Variants in BTRC observed in about 807,000 individuals in gnomAD.
BTRC encodes F-box/WD repeat-containing protein 1A.
In BTRC, 42 loss-of-function variants were observed where a neutral mutation model predicts 85.5. That is an observed-to-expected ratio of 0.49 (90% confidence interval 0.38 to 0.64). BTRC has a LOEUF of 0.64. Among genes scored for constraint, BTRC ranks in the 30% least tolerant of loss-of-function variants. The pLI is 0.00. For missense variants in BTRC, 594 were observed against 743.5 expected, an observed-to-expected ratio of 0.80 and a Z score of 2.34; for synonymous variants, 255 against 263.3, an observed-to-expected ratio of 0.97 and a Z score of 0.30.
chr10:101,444,103 G>A (rs186031694), intron 2 of BTRC, among the ~76,000 whole-genome samples: 17 of 152,240 alleles, frequency 1.1e-4, no homozygotes, highest in Admixed American at 2.6e-4. Flanking sequence ...GTATACTTAT[G>A]TTCATATCAG....
At chr10:101,354,263 G>A (rs760864543) in intron 1 of BTRC, 35 bp downstream of exon 1, 88 of 1,547,308 alleles carry the variant, frequency 5.7e-5, no homozygotes, top group Non-Finnish European at 7.6e-5. Context: ...AACGGTGGAG[G>A]CGCTGGCGTT....
intron 1 of BTRC, among the ~76,000 whole-genome samples, chr10:101,402,079 T>C (rs1247420578): frequency 6.6e-6 from 1 of 152,182 alleles, no homozygotes; most frequent in Non-Finnish European, 1.5e-5. Context: ...TTAATTTGCT[T>C]TGGGTCATTC....
intron 1 of BTRC, among the ~76,000 whole-genome samples, chr10:101,392,210 C>G (rs1439858868): frequency 6.6e-6 from 1 of 152,196 alleles, no homozygotes. Context: ...AAACTCTTGA[C>G]CTCGTGATCT....
At chr10:101,390,493 A>G (rs1943209213) in intron 1 of BTRC, among the ~76,000 whole-genome samples, 1 of 121,240 alleles carries the variant, frequency 8.2e-6, no homozygotes, top group South Asian at 2.5e-4. Context: ...GCCCGCCACC[A>G]CGCCTAATTT....
chr10:101,411,435 A>G (rs1564754706), intron 1 of BTRC, among the ~76,000 whole-genome samples: 1 of 152,140 alleles, frequency 6.6e-6, no homozygotes, highest in Non-Finnish European at 1.5e-5. Flanking sequence ...CCAGATATGC[A>G]TGTGTTAGAC....
At chr10:101,494,362 C>G (rs1370301747) in intron 4 of BTRC, among the ~76,000 whole-genome samples, 1 of 152,108 alleles carries the variant, frequency 6.6e-6, no homozygotes, top group African/African-American at 2.4e-5. Context: ...ATTTCATATG[C>G]TAAAAAACAA....
chr10:101,520,175 G>T (rs532704868), intron 4 of BTRC, among the ~76,000 whole-genome samples: 1 of 151,658 alleles, frequency 6.6e-6, no homozygotes, highest in South Asian at 2.1e-4. Flanking sequence ...ACAGAGTCTC[G>T]CCCTGTTGCC....
chr10:101,532,789 T>TGTGTGTGTGTGTGTGTGC (rs57980548), intron 8 of BTRC, among the ~76,000 whole-genome samples, 163 bp from the exon 9 acceptor site: 2 of 78,230 alleles, frequency 2.6e-5, no homozygotes, highest in African/African-American at 1.3e-4. Context: ...TGTGTGTGTG[T>TGTGTGTGTGTGTGTGTGC]GCGCGTGTGC....
intron 5 of BTRC, among the ~76,000 whole-genome samples, chr10:101,524,141 C>A (rs576064211): frequency 6.6e-6 from 1 of 152,180 alleles, no homozygotes; most frequent in East Asian, 1.9e-4. Flanking sequence ...CTGTTTAAAA[C>A]AAAAGAAGTA....
upstream of BTRC, chr10:101,354,078 CG>C: frequency 7.4e-7 from 1 of 1,354,166 alleles, no homozygotes; most frequent in Non-Finnish European, 1.0e-6. Flanking sequence ...TAAGAGAGGG[CG>C]GGGGGAAGGA....
intron 1 of BTRC, among the ~76,000 whole-genome samples, chr10:101,417,007 ATTG>A (rs1395147365): frequency 2.2e-5 from 2 of 90,362 alleles, no homozygotes; most frequent in Non-Finnish European, 4.1e-5. Context: ...TAAAATGCAA[ATTG>A]TTTTTTTTTC....
rs76123391 is a variant in BTRC at position 101,379,144 on chromosome 10, G to A, written c.48+24916G>A. Among the ~76,000 whole-genome samples the A allele has an allele frequency of 4.3e-4, 65 of 152,268 alleles. 2 individuals are homozygous for A. The East Asian group carries it at 0.011, about 26-fold the overall frequency. On this transcript the variant is annotated intron_variant, in intron 1 of 14. Transcript: ENST00000370187. ...TTGCCTGTAATCATATCCAGACATG[G>A]CATTTTGAAAATCAGAAAGGATTGC...
At chr10:101,516,889 A>G (rs1589582249) in intron 4 of BTRC, among the ~76,000 whole-genome samples, 1 of 152,232 alleles carries the variant, frequency 6.6e-6, no homozygotes, top group East Asian at 1.9e-4. Flanking sequence ...GTAGCACCCA[A>G]CTCATGTCCA....
chr10:101,544,982 G>A (rs1365392090), intron 13 of BTRC, among the ~76,000 whole-genome samples: 1 of 151,600 alleles, frequency 6.6e-6, no homozygotes, highest in African/African-American at 2.4e-5. Context: ...GAGTCCAGGA[G>A]ATTGAGGCTG....
In BTRC at chr10:101,521,640, C is replaced by T; in HGVS notation, c.326C>T (p.Thr109Ile). 2 of 1,612,210 alleles carry T rather than the reference C, an allele frequency of 1.2e-6. No individual in the cohort carries two copies. Residue 109 changes from threonine to isoleucine, a missense_variant and splice_region_variant, in exon 5 of 15, where the codon ACA becomes ATA. Thr to Ile is a moderately conservative substitution (Grantham distance 89). Coordinates refer to ENST00000370187, the MANE Select transcript of BTRC (RefSeq NM_033637.4). Reference protein sequence around the residue: ...AMKTENCVAKTKLANGTSSMI... With the variant: ...AMKTENCVAKIKLANGTSSMI... ...GTTTCTTTTAACCCCCTTCTACAGA[C>T]AAAACTTGCCAATGGCACTTCCAGT...
intron 1 of BTRC, among the ~76,000 whole-genome samples, chr10:101,380,117 T>C (rs989246389): frequency 6.6e-6 from 1 of 152,164 alleles, no homozygotes; most frequent in African/African-American, 2.4e-5. Context: ...AAATTTTACG[T>C]TGTACCATAG....
At chr10:101,539,515 G>A (rs1414101567) in intron 13 of BTRC, among the ~76,000 whole-genome samples, 1 of 152,176 alleles carries the variant, frequency 6.6e-6, no homozygotes, top group Non-Finnish European at 1.5e-5. Context: ...TGTTGCTGAT[G>A]TATATCAATA....
At chr10:101,423,295 A>T (rs772778421) in intron 1 of BTRC, among the ~76,000 whole-genome samples, 187 of 152,294 alleles carry the variant, frequency 1.2e-3, no homozygotes, top group Non-Finnish European at 1.0e-3. Context: ...TTCATTGCCA[A>T]ACAATGAATT....
rs535163129 is a variant in BTRC, at chr10:101,365,484, A to AT, written c.48+11264dup. On this transcript the variant is annotated intron_variant, in intron 1 of 14. Coordinates refer to ENST00000370187, the MANE Select transcript of BTRC (RefSeq NM_033637.4). ...TTAAAAATTTTTTATTTTTATTTTT[A>AT]TTTTTTTTGAGACGAAGTTTCGCTC... Among the ~76,000 whole-genome samples the AT allele has an allele frequency of 2.3e-4, 31 of 135,058 alleles. 1 individual carries two copies. The South Asian group carries it at 7.4e-3, about 32-fold the overall frequency. 88.6% of individuals were successfully genotyped at this position (135,058 alleles called of 152,430 possible).
Sources: allele counts gnomAD v4.1 joint callset (sites outside exome capture counted in the v4.1 genomes callset), GRCh38; gene constraint gnomAD v4.1.1; transcripts MANE v1.5; gene names NCBI Gene and HGNC (gene_info 2026-07-23, HGNC 2026-07-21).